KCNMA1: variants seen among roughly 807,000 people sequenced by gnomAD.
KCNMA1 encodes the protein potassium calcium-activated channel subfamily M alpha 1.
In KCNMA1, 29 loss-of-function variants were observed where a neutral mutation model predicts 140.0. The ratio of observed to expected loss-of-function variants is 0.21; its 90% CI spans 0.15 to 0.28. The LOEUF (loss-of-function observed/expected upper bound fraction) is 0.28. Ranked by LOEUF, KCNMA1 falls within the 10% of genes least tolerant of loss-of-function variation. The pLI is 1.00. For synonymous variants in KCNMA1, 612 were observed against 611.9 expected, an observed-to-expected ratio of 1.00 and a Z score of 0.00; for missense variants, 880 against 1,602.2, an observed-to-expected ratio of 0.55 and a Z score of 7.70.
intron 25 of KCNMA1, among the ~76,000 whole-genome samples, chr10:76,892,007 A>C (rs1485764523): frequency 1.3e-5 from 2 of 152,176 alleles, no homozygotes; most frequent in Non-Finnish European, 2.9e-5. Flanking sequence ...AATTGGTTTT[A>C]GTAGGGATAC....
In KCNMA1 at chr10:77,575,984, C is replaced by T. The variant is rs1185287183; in HGVS notation, c.378+61281G>A. Reference sequence around the variant, plus strand: ...GAAACTAGAGCTTTGAGATCCAGTGCTCAAGGCCCATGTTTCTAGCCTTAG... The same window carrying T: ...GAAACTAGAGCTTTGAGATCCAGTGTTCAAGGCCCATGTTTCTAGCCTTAG... On this transcript the variant is annotated intron_variant, in intron 1 of 27. Transcript: ENST00000286628. Among the ~76,000 whole-genome samples the T allele has an allele frequency of 2.0e-5, 3 of 152,240 alleles. No individual in the cohort carries two copies. In the East Asian group the frequency reaches 5.8e-4, roughly 29 times the overall value.
chr10:77,452,751 G>C (rs2097687554), intron 1 of KCNMA1, among the ~76,000 whole-genome samples: 1 of 152,172 alleles, frequency 6.6e-6, no homozygotes, highest in South Asian at 2.1e-4. Flanking sequence ...GCCTCCATCT[G>C]CTTCTGATGA....
At chr10:77,329,088 C>T (rs1332992691) in intron 2 of KCNMA1, among the ~76,000 whole-genome samples, 2 of 152,142 alleles carry the variant, frequency 1.3e-5, no homozygotes, top group Non-Finnish European at 2.9e-5. Context: ...GATCCCCCTG[C>T]CTCGGCCTCC....
intron 2 of KCNMA1, among the ~76,000 whole-genome samples, chr10:77,307,451 T>C (rs1032060462): frequency 6.6e-6 from 1 of 152,248 alleles, no homozygotes; most frequent in African/African-American, 2.4e-5. Context: ...CATGCAATGT[T>C]CAACGCTTAT....
chr10:77,405,636 C>T (rs2096447305), intron 1 of KCNMA1, among the ~76,000 whole-genome samples: 2 of 152,218 alleles, frequency 1.3e-5, no homozygotes, highest in African/African-American at 4.8e-5. Context: ...TGGACCCCAA[C>T]ACAAATACCC....
At chr10:77,434,220 C>T (rs1373393565) in intron 1 of KCNMA1, among the ~76,000 whole-genome samples, 1 of 152,232 alleles carries the variant, frequency 6.6e-6, no homozygotes, top group Non-Finnish European at 1.5e-5. Flanking sequence ...TGCAGCCAGG[C>T]CTGCCTCTCA....
At chr10:77,248,164 G>C (rs1220199851) in intron 3 of KCNMA1, among the ~76,000 whole-genome samples, 1 of 152,196 alleles carries the variant, frequency 6.6e-6, no homozygotes, top group Non-Finnish European at 1.5e-5. Context: ...ATTGCTAATG[G>C]ACAGAAGTAA....
chr10:77,384,173 T>C (rs548043073), intron 2 of KCNMA1, among the ~76,000 whole-genome samples: 1 of 152,354 alleles, frequency 6.6e-6, no homozygotes, highest in Admixed American at 6.5e-5. Flanking sequence ...CTTTTCCTGG[T>C]GGAGCAAATA....
intron 2 of KCNMA1, among the ~76,000 whole-genome samples, chr10:77,266,725 A>C (rs1231626729): frequency 6.6e-6 from 1 of 152,160 alleles, no homozygotes; most frequent in Non-Finnish European, 1.5e-5. Flanking sequence ...CTTTAAACAA[A>C]GCACTTCTTA....
At chr10:77,065,263 C>A (rs1281737462) in intron 14 of KCNMA1, among the ~76,000 whole-genome samples, 2 of 152,160 alleles carry the variant, frequency 1.3e-5, no homozygotes, top group Non-Finnish European at 2.9e-5. Flanking sequence ...CGGGAAAAAA[C>A]AAAGCCAAGA....
chr10:77,165,867 A>G (rs1358255305), intron 5 of KCNMA1, among the ~76,000 whole-genome samples: 1 of 152,244 alleles, frequency 6.6e-6, no homozygotes, highest in Non-Finnish European at 1.5e-5. Context: ...ACCAGGCTTC[A>G]AAGAGGATTC....
intron 15 of KCNMA1, 112 bp downstream of exon 15, chr10:77,039,416 T>C: frequency 1.4e-6 from 1 of 737,612 alleles, no homozygotes; most frequent in South Asian, 1.4e-5. Context: ...CGGGATACCC[T>C]CGGCAATTGT....
At chr10:76,900,092 T>C (rs982750982) in intron 25 of KCNMA1, among the ~76,000 whole-genome samples, 1 of 152,092 alleles carries the variant, frequency 6.6e-6, no homozygotes, top group Non-Finnish European at 1.5e-5. Flanking sequence ...TACTAATGAT[T>C]CCTTTTAATG....
At chr10:77,298,134 C>A (rs1315677584) in intron 2 of KCNMA1, among the ~76,000 whole-genome samples, 1 of 152,210 alleles carries the variant, frequency 6.6e-6, no homozygotes, top group East Asian at 1.9e-4. Flanking sequence ...GTGTCCCCTG[C>A]TAAACCAGAG....
chr10:77,603,247 C>T (rs113526480), intron 1 of KCNMA1, among the ~76,000 whole-genome samples: 81 of 152,284 alleles, frequency 5.3e-4, no homozygotes, highest in Middle Eastern at 3.4e-3. Flanking sequence ...TTAATGCCAG[C>T]GTTCGCAGGA....
At chr10:77,447,699 C>T (rs2097554538) in intron 1 of KCNMA1, among the ~76,000 whole-genome samples, 1 of 152,154 alleles carries the variant, frequency 6.6e-6, no homozygotes, top group African/African-American at 2.4e-5. Context: ...GTTTTGGATC[C>T]TGGGATCAAG....
At chr10:77,446,478 G>T (rs1025522408) in intron 1 of KCNMA1, among the ~76,000 whole-genome samples, 1 of 152,216 alleles carries the variant, frequency 6.6e-6, no homozygotes, top group Non-Finnish European at 1.5e-5. Flanking sequence ...CCCATGAAGA[G>T]AAATGAATGA....
chr10:76,985,392 TCTTA>T (rs1309864495), intron 19 of KCNMA1, among the ~76,000 whole-genome samples: 1 of 152,140 alleles, frequency 6.6e-6, no homozygotes, highest in Non-Finnish European at 1.5e-5. Flanking sequence ...TGCATTATAA[TCTTA>T]CTAACAGAGC....
chr10:76,951,931 G>A, intron 21 of KCNMA1: 1 of 1,098,614 alleles, frequency 9.1e-7, no homozygotes, highest in Non-Finnish European at 1.3e-6. Flanking sequence ...GTCGTTGTCA[G>A]GGATTGCATC....
Sources: allele counts gnomAD v4.1 joint callset (sites outside exome capture counted in the v4.1 genomes callset), GRCh38; gene constraint gnomAD v4.1.1; transcripts MANE v1.5; gene names NCBI Gene and HGNC (gene_info 2026-07-23, HGNC 2026-07-21).